The following PFKFB3 variants were observed in gnomAD, a reference collection of about 807,000 sequenced individuals.
PFKFB3 encodes the protein 6-phosphofructo-2-kinase/fructose-2,6-bisphosphatase 3.
PFKFB3 carries 33 observed loss-of-function variants against 68.0 expected under a neutral mutation model. The observed-to-expected ratio is 0.49, with a 90% CI of 0.37 to 0.65. The LOEUF (loss-of-function observed/expected upper bound fraction) is 0.65, where lower values mean the gene tolerates loss of function less well. Among genes scored for constraint, PFKFB3 ranks in the 30% least tolerant of loss-of-function variants. PFKFB3 has a pLI of 0.00. For synonymous variants in PFKFB3, 315 were observed against 288.2 expected (o/e 1.09, Z -0.94); for missense variants, 586 against 712.2 (o/e 0.82, Z 2.02).
At chr10:6,170,907 TC>T (rs1473524412) in intron 1 of PFKFB3, among the ~76,000 whole-genome samples, 1 of 151,238 alleles carries the variant, frequency 6.6e-6, no homozygotes, top group East Asian at 1.9e-4. Context: ...AGATGACAGG[TC>T]CCCAGGGGAA....
At chr10:6,188,120 C>A (rs1842924851) in intron 1 of PFKFB3, among the ~76,000 whole-genome samples, 1 of 151,412 alleles carries the variant, frequency 6.6e-6, no homozygotes, top group Non-Finnish European at 1.5e-5. Context: ...TATGTCGTGC[C>A]CAGCCCCTAT....
chr10:6,240,888 G>A (rs939452812), intron 14 of PFKFB3, among the ~76,000 whole-genome samples: 2 of 150,306 alleles, frequency 1.3e-5, no homozygotes, highest in Non-Finnish European at 2.9e-5. Context: ...CAGAGTACTA[G>A]TCAGGTATGT....
At chr10:6,213,867 T>A in intron 2 of PFKFB3, 119 bp downstream of exon 2, 2 of 1,030,118 alleles carry the variant, frequency 1.9e-6, no homozygotes, top group African/African-American at 1.6e-5. Context: ...TCGGGGAGTC[T>A]GATCCTGCCT....
At chr10:6,219,955 A>G (rs1473685734) in intron 7 of PFKFB3, among the ~76,000 whole-genome samples, 3 of 152,192 alleles carry the variant, frequency 2.0e-5, no homozygotes, top group African/African-American at 7.2e-5. Flanking sequence ...GACAAATCAT[A>G]TTCAGTGGGA....
chr10:6,211,994 G>A (rs528581795), intron 1 of PFKFB3, among the ~76,000 whole-genome samples: 54 of 152,328 alleles, frequency 3.5e-4, no homozygotes, highest in African/African-American at 1.3e-3. Flanking sequence ...CCTGAGCTGC[G>A]GCCCGTCTGA....
In PFKFB3 at chr10:6,222,976, A is replaced by G; in HGVS notation, c.1205A>G (p.Lys402Arg). Residue 402 changes from lysine (K) to arginine (R), a missense_variant, in exon 11 of 15, where the codon AAG (lysine) becomes AGG (arginine). Transcript: ENST00000379775. ...LRCLLAYFLD[K>R]SAEEMPYLKC... The stretch of plus-strand genomic sequence containing the variant: ...TGCCTGCTTGCCTACTTCCTGGATA[A>G]GAGTGCAGGTACCTCGGGCAGGTCG... 6.2e-7 allele frequency: 1 copy of G among 1,613,340 alleles called. No individual in the cohort carries two copies. The highest frequency in any genetic ancestry group is 1.1e-5 in the South Asian group (1 of 91,032).
chr10:6,223,431 A>C (rs938069436), intron 11 of PFKFB3, among the ~76,000 whole-genome samples: 1 of 151,930 alleles, frequency 6.6e-6, no homozygotes, highest in Non-Finnish European at 1.5e-5. Context: ...CTTTTTCCCA[A>C]CTCTAAGTCA....
the PFKFB3 span, among the ~76,000 whole-genome samples, chr10:6,280,677 A>C: frequency 6.6e-6 from 1 of 152,186 alleles, no homozygotes; most frequent in Non-Finnish European, 1.5e-5. Context: ...GAGGCTCTCT[A>C]GGAGGACAGA....
At chr10:6,184,758 C>T (rs1025981204) in intron 1 of PFKFB3, among the ~76,000 whole-genome samples, 1 of 148,282 alleles carries the variant, frequency 6.7e-6, no homozygotes, top group Non-Finnish European at 1.5e-5. Context: ...AGGTGTGAGT[C>T]ACCGCGCCTG....
At chr10:6,210,389 T>C (rs7898543) in intron 1 of PFKFB3, among the ~76,000 whole-genome samples, 2,419 of 90,818 alleles carry the variant, frequency 0.027, 196 homozygotes, top group African/African-American at 0.069. Flanking sequence ...GAGACGAAGT[T>C]TCGCTCTGTC....
chr10:6,180,888 A>G (rs935597754), intron 1 of PFKFB3, among the ~76,000 whole-genome samples: 16 of 152,242 alleles, frequency 1.1e-4, no homozygotes, highest in Non-Finnish European at 2.1e-4. Flanking sequence ...GAATTGTGGT[A>G]TGTGTTCCTA....
In PFKFB3 at chr10:6,229,843, C is replaced by T. The variant is rs964788125; in HGVS notation, c.1516-3052C>T. Among the ~76,000 whole-genome samples the T allele has an allele frequency of 9.2e-5, 14 of 152,178 alleles. No homozygotes were observed. Among genetic ancestry groups the T allele is most frequent in the Non-Finnish European group, 1.5e-4 (10 of 68,038 alleles). Reference sequence around the variant, plus strand: ...TGGTTTGGGGATAAAACTGTTCTGCCTCAGATCGTCTGGCATTAGATTCTC... The same window carrying T: ...TGGTTTGGGGATAAAACTGTTCTGCTTCAGATCGTCTGGCATTAGATTCTC... On this transcript the variant is annotated intron_variant, in intron 14 of 14. Transcript: ENST00000379775. This position sits in a 1 kb window ranked among gnomAD's most constrained non-coding sequence, Gnocchi z 4.3.
the PFKFB3 span, among the ~76,000 whole-genome samples, chr10:6,320,766 G>T: frequency 6.6e-6 from 1 of 152,226 alleles, no homozygotes. Context: ...CCTGCCTGTT[G>T]CAGTGTTGAC....
At chr10:6,238,156 T>TTTTA (rs1304084179), downstream of PFKFB3, among the ~76,000 whole-genome samples, 1 of 151,842 alleles carries the variant, frequency 6.6e-6, no homozygotes, top group South Asian at 2.1e-4. Context: ...TTGGAGAAAT[T>TTTTA]TTTATTTATT....
At chr10:6,167,952 G>T (rs643867) in intron 1 of PFKFB3, among the ~76,000 whole-genome samples, 1 of 140,806 alleles carries the variant, frequency 7.1e-6, no homozygotes, top group Non-Finnish European at 1.6e-5. Context: ...TCCCTAGGTC[G>T]TTCCTGCTTT....
chr10:6,250,948 AT>A (rs1846367739), intron 14 of PFKFB3, among the ~76,000 whole-genome samples: 1 of 152,174 alleles, frequency 6.6e-6, no homozygotes, highest in African/African-American at 2.4e-5. Context: ...CACCAGAATC[AT>A]CTTGTGACCT....
the PFKFB3 span, among the ~76,000 whole-genome samples, chr10:6,286,317 T>G: frequency 6.6e-6 from 1 of 152,074 alleles, no homozygotes; most frequent in Non-Finnish European, 1.5e-5. Context: ...TTTGGGTTTC[T>G]TGTAGGCAAC....
the PFKFB3 span, among the ~76,000 whole-genome samples, chr10:6,305,845 G>A: frequency 3.3e-5 from 5 of 152,262 alleles, no homozygotes; most frequent in East Asian, 7.7e-4. Flanking sequence ...ATCCAAATGG[G>A]TCTTTTCAGA....
intron 14 of PFKFB3, 95 bp downstream of exon 14, chr10:6,226,460 C>T (rs1845362008): frequency 1.1e-5 from 13 of 1,223,760 alleles, no homozygotes; most frequent in African/African-American, 4.5e-5. Flanking sequence ...TGCAAGAATA[C>T]GTGCGTGGGT....
Sources: allele counts gnomAD v4.1 joint callset (sites outside exome capture counted in the v4.1 genomes callset), GRCh38; gene constraint gnomAD v4.1.1; non-coding constraint Gnocchi (gnomAD v3.1); transcripts MANE v1.5; gene names NCBI Gene and HGNC (gene_info 2026-07-23, HGNC 2026-07-21).